The following KCNIP4 variants were observed in gnomAD, a reference collection of about 807,000 sequenced individuals.
The protein encoded by KCNIP4 is Kv channel-interacting protein 4.
A neutral mutation model predicts 34.0 loss-of-function variants in KCNIP4; 12 were observed. The observed-to-expected ratio is 0.35, with a 90% CI of 0.23 to 0.57. The LOEUF is 0.57. KCNIP4 is among the 20% of genes least tolerant of loss of function. The probability of loss-of-function intolerance (pLI) is 0.83; values close to 1 mark genes in which losing one functional copy is unlikely to be tolerated. For missense variants in KCNIP4, 238 were observed against 311.7 expected, an observed-to-expected ratio of 0.76 and a Z score of 1.78; for synonymous variants, 124 against 102.2, an observed-to-expected ratio of 1.21 and a Z score of -1.29.
At chr4:21,331,082 G>A (rs764465678) in intron 1 of KCNIP4, among the ~76,000 whole-genome samples, 6 of 152,054 alleles carry the variant, frequency 3.9e-5, no homozygotes, top group Non-Finnish European at 8.8e-5. Flanking sequence ...AAGACACTGT[G>A]TCCTCTTCTT....
At chr4:21,117,073 T>C (rs1048608334) in intron 1 of KCNIP4, among the ~76,000 whole-genome samples, 9 of 152,076 alleles carry the variant, frequency 5.9e-5, no homozygotes, top group Non-Finnish European at 1.0e-4. Context: ...CCCCTTGAGG[T>C]AGTTGTTACT....
chr4:21,423,373 C>T (rs1725655854), intron 1 of KCNIP4, among the ~76,000 whole-genome samples: 1 of 152,210 alleles, frequency 6.6e-6, no homozygotes, highest in African/African-American at 2.4e-5. Flanking sequence ...CGTGAGTTCA[C>T]TTAAATGAGA....
chr4:21,498,091 A>T (rs941862795), intron 1 of KCNIP4, among the ~76,000 whole-genome samples: 6 of 152,234 alleles, frequency 3.9e-5, no homozygotes, highest in Admixed American at 6.5e-5. Context: ...AGATATTTAT[A>T]AATTTAAAAT....
At chr4:20,755,268 T>C (rs766084201) in intron 4 of KCNIP4, among the ~76,000 whole-genome samples, 1 of 152,196 alleles carries the variant, frequency 6.6e-6, no homozygotes, top group Non-Finnish European at 1.5e-5. Context: ...TGTTTTGACA[T>C]GTTAGGCACA....
chr4:21,391,025 A>G (rs1577287825), intron 1 of KCNIP4, among the ~76,000 whole-genome samples: 1 of 152,110 alleles, frequency 6.6e-6, no homozygotes, highest in Non-Finnish European at 1.5e-5. Flanking sequence ...GTGAAGTGGT[A>G]TGTCAATGTG....
At chr4:21,564,837 G>A (rs907286011) in intron 1 of KCNIP4, among the ~76,000 whole-genome samples, 1 of 150,280 alleles carries the variant, frequency 6.7e-6, no homozygotes, top group African/African-American at 2.4e-5. Flanking sequence ...AGAGAGTGGA[G>A]ATGCCAGGTT....
chr4:20,980,761 G>A (rs182370102), intron 1 of KCNIP4, among the ~76,000 whole-genome samples: 1,562 of 150,724 alleles, frequency 0.01, 15 homozygotes, highest in Non-Finnish European at 0.015. Flanking sequence ...CTGCCTAAAA[G>A]AAGCTCAAAT....
At chr4:20,877,556 C>T (rs1398388704) in intron 2 of KCNIP4, among the ~76,000 whole-genome samples, 1 of 152,050 alleles carries the variant, frequency 6.6e-6, no homozygotes, top group Non-Finnish European at 1.5e-5. Context: ...TCTTCAGTTT[C>T]CTCATATGTA....
intron 1 of KCNIP4, among the ~76,000 whole-genome samples, chr4:21,059,810 A>T (rs1044381836): frequency 2.0e-5 from 3 of 152,174 alleles, no homozygotes; most frequent in African/African-American, 7.2e-5. Context: ...TTATCACTTT[A>T]GTCACTCAAC....
At chr4:20,933,940 G>C (rs1413010331) in intron 1 of KCNIP4, among the ~76,000 whole-genome samples, 1 of 152,106 alleles carries the variant, frequency 6.6e-6, no homozygotes, top group Non-Finnish European at 1.5e-5. Flanking sequence ...CAATCAATGT[G>C]ATATATTTCC....
intron 1 of KCNIP4, among the ~76,000 whole-genome samples, chr4:21,547,570 C>T (rs1178710482): frequency 6.6e-6 from 1 of 151,968 alleles, no homozygotes; most frequent in African/African-American, 2.4e-5. Context: ...TCCCTGTAGT[C>T]TCTTGGTTAT....
At chr4:21,537,581 C>T (rs930118979) in intron 1 of KCNIP4, among the ~76,000 whole-genome samples, 5 of 152,072 alleles carry the variant, frequency 3.3e-5, no homozygotes, top group African/African-American at 7.2e-5. Flanking sequence ...CTTAAAATTT[C>T]GTGTCTACTT....
intron 1 of KCNIP4, among the ~76,000 whole-genome samples, chr4:21,067,826 T>C (rs116213359): frequency 0.011 from 1,634 of 152,246 alleles, 35 homozygotes; most frequent in African/African-American, 0.038. Flanking sequence ...GGGAATATTG[T>C]CTGAACATGG....
intron 1 of KCNIP4, among the ~76,000 whole-genome samples, chr4:21,063,132 G>A (rs2108976883): frequency 6.6e-6 from 1 of 152,134 alleles, no homozygotes; most frequent in Middle Eastern, 3.4e-3. Flanking sequence ...CAGATGCTAG[G>A]GAGAGGCAGG....
intron 1 of KCNIP4, chr4:21,850,954 T>G (rs1463900505): frequency 6.6e-6 from 1 of 152,006 alleles, no homozygotes; most frequent in Non-Finnish European, 1.5e-5. Flanking sequence ...ATCATAAAGC[T>G]TAGAGTCTTG....
intron 2 of KCNIP4, among the ~76,000 whole-genome samples, chr4:20,871,566 C>T (rs1169317119): frequency 6.6e-6 from 1 of 152,018 alleles, no homozygotes; most frequent in Non-Finnish European, 1.5e-5. Context: ...AATTACTTTT[C>T]CTGTGGGTTT....
chr4:21,104,565 GT>G (rs1241380094), intron 1 of KCNIP4, among the ~76,000 whole-genome samples: 1 of 152,058 alleles, frequency 6.6e-6, no homozygotes, highest in African/African-American at 2.4e-5. Context: ...TCTGATGGTA[GT>G]TTCTTTTGCT....
intron 1 of KCNIP4, among the ~76,000 whole-genome samples, chr4:21,313,334 A>C (rs1713391876): frequency 6.6e-6 from 1 of 152,098 alleles, no homozygotes; most frequent in South Asian, 2.1e-4. Context: ...GTACTTCCTC[A>C]CTGTAATAGA....
chr4:21,623,967 TG>T lies in KCNIP4; in HGVS notation c.61+324603del, dbSNP rs1435909288. 2.1e-3 allele frequency among the ~76,000 whole-genome samples: 315 copies of T among 152,216 alleles called. 2 individuals are homozygous for T. Among genetic ancestry groups the T allele is most frequent in the African/African-American group, 7.2e-3 (298 of 41,556 alleles). On this transcript the variant is annotated intron_variant, in intron 1 of 8. Coordinates refer to ENST00000382152, the MANE Select transcript of KCNIP4 (RefSeq NM_025221.6). ...CTGCTCCATCCCAGTGAAAGCAGGG[TG>T]GGTGATGGTGATATATATACTGTAT... is the stretch of plus-strand genomic sequence containing the variant.
Sources: allele counts gnomAD v4.1 joint callset (sites outside exome capture counted in the v4.1 genomes callset), GRCh38; gene constraint gnomAD v4.1.1; transcripts MANE v1.5; gene names NCBI Gene and HGNC (gene_info 2026-07-23, HGNC 2026-07-21).